The following TTC12 variants were observed in gnomAD, a reference collection of about 807,000 sequenced individuals.
TTC12 encodes tetratricopeptide repeat protein 12.
Under a neutral mutation model 90.1 loss-of-function variants are expected in TTC12, and 70 were observed. That is an observed-to-expected ratio of 0.78 (90% CI 0.64 to 0.95). The LOEUF is 0.95. Among genes scored for constraint, TTC12 ranks in the 40% least tolerant of loss-of-function variants. TTC12 has a pLI of 0.00. For synonymous variants in TTC12, 296 were observed against 311.5 expected, an observed-to-expected ratio of 0.95 and a Z score of 0.53; for missense variants, 819 against 846.1, an observed-to-expected ratio of 0.97 and a Z score of 0.40.
intron 7 of TTC12, among the ~76,000 whole-genome samples, chr11:113,330,575 C>T (rs1257230011): frequency 6.6e-6 from 1 of 152,104 alleles, no homozygotes; most frequent in African/African-American, 2.4e-5. Flanking sequence ...AGAAATAATA[C>T]GATCACTTTT....
chr11:113,342,478 A>G (rs1165285112), intron 12 of TTC12, among the ~76,000 whole-genome samples: 1 of 152,146 alleles, frequency 6.6e-6, no homozygotes, highest in African/African-American at 2.4e-5. Flanking sequence ...ATAAATACAA[A>G]TTTTACTTAC....
chr11:113,320,486 G>A (rs1306513814), intron 2 of TTC12, among the ~76,000 whole-genome samples: 3 of 152,104 alleles, frequency 2.0e-5, no homozygotes, highest in African/African-American at 7.2e-5. Flanking sequence ...CAGGCTCCAG[G>A]GGAAGATCAT....
intron 16 of TTC12, among the ~76,000 whole-genome samples, chr11:113,352,427 A>T (rs1394349559): frequency 6.6e-6 from 1 of 151,818 alleles, no homozygotes; most frequent in Admixed American, 6.5e-5. Context: ...GATTTTTTTT[A>T]ATTTTTAAAA....
At chr11:113,324,067 T>C (rs536018496) in intron 4 of TTC12, 52 bp downstream of exon 4, 531 of 1,463,358 alleles carry the variant, frequency 3.6e-4, no homozygotes, top group Admixed American at 6.3e-4. Context: ...AGGACCAGTT[T>C]TGATTGATTG....
chr11:113,338,920 C>T lies in TTC12; in HGVS notation c.637+86C>T, dbSNP rs1327214432. ...AGAATGCCTTCCGTGCTTTCACTGC[C>T]CTTGGCCACTAGGCAGCGGCGGATC... On this transcript the variant is annotated intron_variant, in intron 9 of 21. Coordinates refer to ENST00000529221, the MANE Select transcript of TTC12 (RefSeq NM_017868.4). 6.5e-6 allele frequency: 8 copies of T among 1,234,234 alleles called. No homozygotes were observed. In the Admixed American group the frequency reaches 1.0e-4, roughly 16 times the overall value. The allele number at this position is 1,234,234 out of a possible 1,614,324, so 76.5% of individuals were successfully genotyped here.
chr11:113,349,354 C>T (rs373971182), intron 13 of TTC12, among the ~76,000 whole-genome samples: 1 of 152,172 alleles, frequency 6.6e-6, no homozygotes, highest in African/African-American at 2.4e-5. Context: ...TACTTAGCAC[C>T]TTATAGATGC....
chr11:113,324,909 C>G (rs782095112), intron 5 of TTC12, among the ~76,000 whole-genome samples: 1 of 152,188 alleles, frequency 6.6e-6, no homozygotes, highest in Non-Finnish European at 1.5e-5. Context: ...AAACCTCTTT[C>G]TGAAGCTTCC....
intron 21 of TTC12, 25 bp downstream of exon 21, chr11:113,365,085 C>T (rs763067592): frequency 1.2e-6 from 2 of 1,602,738 alleles, no homozygotes; most frequent in African/African-American, 1.3e-5. Context: ...CGGAGCCAGG[C>T]TGACCTATTG....
At chr11:113,333,916 A>G (rs1329866987) in intron 7 of TTC12, among the ~76,000 whole-genome samples, 6 of 152,188 alleles carry the variant, frequency 3.9e-5, no homozygotes, top group Non-Finnish European at 8.8e-5. Context: ...TGCTGATATA[A>G]CTGCAGCAAT....
chr11:113,331,028 T>C (rs1304470737), intron 7 of TTC12, among the ~76,000 whole-genome samples: 1 of 152,130 alleles, frequency 6.6e-6, no homozygotes, highest in Non-Finnish European at 1.5e-5. Flanking sequence ...TTATTTCTTA[T>C]TGAGAGGGTA....
chr11:113,349,257 C>T (rs1236278813), intron 13 of TTC12, among the ~76,000 whole-genome samples: 10 of 152,216 alleles, frequency 6.6e-5, no homozygotes, highest in African/African-American at 2.2e-4. Flanking sequence ...ATGTGTCTGT[C>T]TCTGACATAT....
At chr11:113,362,883 G>A (rs1411658960) in intron 19 of TTC12, among the ~76,000 whole-genome samples, 2 of 152,230 alleles carry the variant, frequency 1.3e-5, no homozygotes, top group East Asian at 3.8e-4. Context: ...TATCTGGAGA[G>A]TGTTGGATGG....
At chr11:113,324,260 C>G (rs1359293997) in intron 4 of TTC12, 2 of 541,084 alleles carry the variant, frequency 3.7e-6, no homozygotes, top group Non-Finnish European at 6.5e-6. Context: ...CCAATTTACC[C>G]TGTTCAAGGG....
At chr11:113,369,431 C>T (rs979394331), downstream of TTC12, among the ~76,000 whole-genome samples, 5 of 150,172 alleles carry the variant, frequency 3.3e-5, no homozygotes, top group South Asian at 2.2e-4. Flanking sequence ...CCCCACCCCC[C>T]GTGCATTGTG....
intron 1 of TTC12, chr11:113,315,234 G>T (rs1407813338): frequency 8.9e-6 from 1 of 111,866 alleles, no homozygotes; most frequent in Non-Finnish European, 2.3e-5. Context: ...CTCGTCGCGT[G>T]CCTGGTGCTT....
chr11:113,350,791 C>G (rs1333879277), intron 14 of TTC12, among the ~76,000 whole-genome samples: 2 of 152,256 alleles, frequency 1.3e-5, no homozygotes, highest in Non-Finnish European at 2.9e-5. Context: ...CACAGGCAGG[C>G]CAGCCAGCTG....
At chr11:113,368,047 G>C, downstream of TTC12, 1 of 524,976 alleles carries the variant, frequency 1.9e-6, no homozygotes, top group East Asian at 7.0e-5. Context: ...CACCAGCCCT[G>C]TCTCCTTTGA....
chr11:113,372,476 G>C (rs561762486), intron 21 of TTC12, among the ~76,000 whole-genome samples: 1 of 152,168 alleles, frequency 6.6e-6, no homozygotes, highest in Non-Finnish European at 1.5e-5. Context: ...GTGTGCATAC[G>C]TGCATGCGTG....
intron 16 of TTC12, among the ~76,000 whole-genome samples, chr11:113,358,898 A>G (rs542452370): frequency 6.6e-6 from 1 of 152,230 alleles, no homozygotes; most frequent in East Asian, 1.9e-4. Context: ...GCTTGCATGC[A>G]GCATTCCCAG....
Sources: gnomAD v4.1 joint callset for allele counts (sites outside exome capture counted in the v4.1 genomes callset) on GRCh38, gnomAD v4.1.1 for gene constraint, MANE v1.5 for transcripts, NCBI Gene and HGNC (gene_info 2026-07-23, HGNC 2026-07-21) for gene names.